KALRN: variants seen among roughly 807,000 people sequenced by gnomAD.
KALRN encodes kalirin RhoGEF kinase, also known as kalirin.
A neutral mutation model predicts 353.7 loss-of-function variants in KALRN; 70 were observed. The ratio of observed to expected loss-of-function variants is 0.20; its 90% confidence interval spans 0.16 to 0.24. The LOEUF is 0.24. Among genes scored for constraint, KALRN ranks in the 10% least tolerant of loss-of-function variants. The pLI is 1.00. For synonymous variants in KALRN, 1,391 were observed against 1,434.8 expected, an observed-to-expected ratio of 0.97 and a Z score of 0.69; for missense variants, 2,791 against 3,756.7, an observed-to-expected ratio of 0.74 and a Z score of 6.72.
chr3:124,369,074 AGAG>A (rs1249483701), intron 10 of KALRN, among the ~76,000 whole-genome samples: 21 of 152,268 alleles, frequency 1.4e-4, no homozygotes, highest in African/African-American at 5.1e-4. Context: ...AGGGAGAGGG[AGAG>A]GGAGAGGACA....
At position 124,165,825 on chromosome 3, in the gene KALRN, C is replaced by T. The variant is rs182590056; in HGVS notation, c.74-62165C>T. On this transcript the variant is annotated intron_variant, in intron 1 of 59. Coordinates refer to ENST00000682506, the MANE Select transcript of KALRN (RefSeq NM_001388419.1). Reference sequence around the variant, plus strand: ...AAGTGCTTTCGCACTGTACCTACCTCGGCCTGTAAGGCCTCACATGATCTC... The same window carrying T: ...AAGTGCTTTCGCACTGTACCTACCTTGGCCTGTAAGGCCTCACATGATCTC... Among the ~76,000 whole-genome samples, 421 of 152,320 alleles carry T rather than the reference C, an allele frequency of 2.8e-3. 1 individual carries two copies. The highest frequency in any genetic ancestry group is 4.4e-3 in the Non-Finnish European group (296 of 68,032).
chr3:124,052,456 T>G lies in KALRN; in HGVS notation c.73+18643T>G, dbSNP rs138774779. Among the ~76,000 whole-genome samples, 593 of 152,250 alleles carry G rather than the reference T, an allele frequency of 3.9e-3. 1 individual carries two copies. The highest frequency in any genetic ancestry group is 6.2e-3 in the Non-Finnish European group (423 of 68,020). On this transcript the variant is annotated intron_variant, in intron 1 of 59. Transcript: ENST00000682506. Reference sequence around the variant, plus strand: ...CTTCCAAGGTACAGGGAGGACTAACTTATTCATCTTCCTGTCATCCCATGT... The same window carrying G: ...CTTCCAAGGTACAGGGAGGACTAACGTATTCATCTTCCTGTCATCCCATGT...
In KALRN at chr3:124,675,465, A is replaced by G. The variant is rs559199912; in HGVS notation, c.7193+851A>G. 3 of 149,054 alleles carry G rather than the reference A, an allele frequency of 2.0e-5. No homozygotes were observed. The East Asian group carries it at 6.0e-4, about 30-fold the overall frequency. The allele number at this position is 149,054 out of a possible 1,614,324, so 9.2% of individuals were successfully genotyped here. A position where few individuals can be genotyped will look rare whatever the true frequency, so the allele number is the denominator to read the frequency against. On this transcript the variant is annotated intron_variant, in intron 49 of 59. Coordinates refer to ENST00000682506, the MANE Select transcript of KALRN (RefSeq NM_001388419.1). ...TTGACCCTTTTTCCCCTGTTTCACTATTCTTGGACTTTCAAATGTGCAAAC... is the reference window on the plus strand; with the variant it reads ...TTGACCCTTTTTCCCCTGTTTCACTGTTCTTGGACTTTCAAATGTGCAAAC...
At chr3:124,348,459 CT>C (rs1560636425) in intron 10 of KALRN, among the ~76,000 whole-genome samples, 3 of 152,152 alleles carry the variant, frequency 2.0e-5, no homozygotes. Flanking sequence ...CAAGCATATG[CT>C]GAAAAATGAG....
chr3:124,422,948 A>G lies in KALRN; in HGVS notation c.2679A>G (p.Gln893=), dbSNP rs1395087799. 5 of 1,613,600 alleles carry G rather than the reference A, an allele frequency of 3.1e-6. No homozygotes were observed. Among genetic ancestry groups the G allele is most frequent in the South Asian group, 2.2e-5 (2 of 91,066 alleles). ...QTHKRLEQCL[Q]LRHLQAEVKQ... ...ATAAGCGGCTAGAGCAGTGCCTCCA[A>G]TTACGTCACCTCCAGGCTGAAGTCA... is the stretch of plus-strand genomic sequence containing the variant. Residue 893 remains glutamine, a synonymous_variant, in exon 15 of 60, where the codon CAA becomes CAG. Transcript: ENST00000682506.
chr3:124,459,947 T>C (rs1434836378), intron 23 of KALRN, among the ~76,000 whole-genome samples: 1 of 152,166 alleles, frequency 6.6e-6, no homozygotes, highest in Admixed American at 6.5e-5. Context: ...AGAAATGTAT[T>C]GTCTCCCAGC....
chr3:124,381,377 G>C (rs892134986), intron 10 of KALRN, among the ~76,000 whole-genome samples: 5 of 152,164 alleles, frequency 3.3e-5, no homozygotes, highest in Non-Finnish European at 5.9e-5. Flanking sequence ...AAGGGAAAAA[G>C]TGTCAGGTGA....
intron 34 of KALRN, among the ~76,000 whole-genome samples, chr3:124,618,084 A>ATTTTTTTTTTTTTTTTTTTTT (rs2078824568): frequency 8.9e-6 from 1 of 112,516 alleles, no homozygotes; most frequent in Non-Finnish European, 1.9e-5. Context: ...CAGTGCAGAA[A>ATTTTTTTTTTTTTTTTTTTTT]TCTTTTTTTT....
intron 37 of KALRN, among the ~76,000 whole-genome samples, chr3:124,650,197 C>G (rs754540587): frequency 6.6e-6 from 1 of 152,086 alleles, no homozygotes; most frequent in African/African-American, 2.4e-5. Context: ...ATATTTTTAT[C>G]GTTAACAGTT....
chr3:124,659,737 A>G (rs1337168478), intron 43 of KALRN, among the ~76,000 whole-genome samples: 2 of 152,080 alleles, frequency 1.3e-5, no homozygotes, highest in Non-Finnish European at 2.9e-5. Context: ...TGTCTCAATC[A>G]TTGACTTGAT....
At chr3:124,115,067 G>A (rs1345374256) in intron 1 of KALRN, among the ~76,000 whole-genome samples, 1 of 152,164 alleles carries the variant, frequency 6.6e-6, no homozygotes, top group African/African-American at 2.4e-5. Flanking sequence ...TTCAGCTGTG[G>A]ATTTGATCTT....
At chr3:124,543,101 C>G (rs1014312085) in intron 33 of KALRN, among the ~76,000 whole-genome samples, 2 of 152,146 alleles carry the variant, frequency 1.3e-5, no homozygotes, top group Admixed American at 6.5e-5. Context: ...TGGCTGGCTT[C>G]CCCCGGAGTG....
At chr3:124,592,305 GAAAC>G (rs1330694305) in intron 34 of KALRN, among the ~76,000 whole-genome samples, 6 of 26,078 alleles carry the variant, frequency 2.3e-4, no homozygotes, top group African/African-American at 1.2e-3. Context: ...CCGTCTCAAA[GAAAC>G]AAAAAAAAAA....
At chr3:124,687,212 G>C (rs1346074322) in intron 51 of KALRN, among the ~76,000 whole-genome samples, 1 of 152,068 alleles carries the variant, frequency 6.6e-6, no homozygotes, top group Non-Finnish European at 1.5e-5. Context: ...AAATCATTAA[G>C]GGATAAGACT....
At chr3:124,241,996 G>A (rs192226970) in intron 3 of KALRN, among the ~76,000 whole-genome samples, 1 of 152,198 alleles carries the variant, frequency 6.6e-6, no homozygotes, top group Non-Finnish European at 1.5e-5. Flanking sequence ...AGTCTTTTGG[G>A]AGAATGGCAG....
intron 23 of KALRN, 64 bp from the exon 24 acceptor site, chr3:124,461,826 G>A: frequency 8.4e-7 from 1 of 1,197,492 alleles, no homozygotes; most frequent in Non-Finnish European, 1.2e-6. Flanking sequence ...GTGGGGAAGT[G>A]AAGTTTGAAG....
Position 124,495,613 on chromosome 3 carries a change from G to T in KALRN, c.4833-698G>T, listed in dbSNP as rs953077650. On this transcript the variant is annotated intron_variant, in intron 32 of 59. Transcript: ENST00000682506. ...ATTAGCTGGGCATGATGGCAGGCAC[G>T]TGGAAACCCAGCTACTTGGGAGGCT... Among the ~76,000 whole-genome samples, 3 of 150,982 alleles carry T rather than the reference G, an allele frequency of 2.0e-5. No individual in the cohort carries two copies. In the South Asian group the frequency reaches 6.3e-4, roughly 32 times the overall value.
intron 20 of KALRN, 135 bp downstream of exon 20, chr3:124,446,411 G>T (rs2093840766): frequency 1.5e-6 from 1 of 653,312 alleles, no homozygotes; most frequent in South Asian, 2.0e-5. Flanking sequence ...AAGAAAGCAG[G>T]TTGTCACCTG....
intron 34 of KALRN, among the ~76,000 whole-genome samples, chr3:124,578,763 AT>A (rs2074357416): frequency 9.1e-6 from 1 of 110,086 alleles, no homozygotes; most frequent in African/African-American, 4.6e-5. Context: ...GTGAAACTCC[AT>A]TTAAAAAAAA....
Sources: allele counts gnomAD v4.1 joint callset (sites outside exome capture counted in the v4.1 genomes callset), GRCh38; gene constraint gnomAD v4.1.1; transcripts MANE v1.5; gene names NCBI Gene and HGNC (gene_info 2026-07-23, HGNC 2026-07-21).